MRAP2: variants seen among roughly 807,000 people sequenced by gnomAD.
The protein encoded by MRAP2 is melanocortin-2 receptor accessory protein 2.
In MRAP2, 20 loss-of-function variants were observed where a neutral mutation model predicts 17.4. That is an observed-to-expected ratio of 1.15 (90% CI 0.81 to 1.67). The LOEUF (loss-of-function observed/expected upper bound fraction) is 1.67, where lower values mean the gene tolerates loss of function less well. Among genes scored for constraint, MRAP2 ranks in the 40% most tolerant of loss-of-function variants. MRAP2 has a pLI of 0.00. For missense variants in MRAP2, 238 were observed against 240.0 expected, an observed-to-expected ratio of 0.99 and a Z score of 0.05; for synonymous variants, 96 against 88.4, an observed-to-expected ratio of 1.09 and a Z score of -0.48.
chr6:84,044,018 G>A (rs1039997881), intron 1 of MRAP2, among the ~76,000 whole-genome samples: 1 of 152,148 alleles, frequency 6.6e-6, no homozygotes, highest in Non-Finnish European at 1.5e-5. Context: ...TATAGTTAGA[G>A]TGATTGGTAC....
intron 3 of MRAP2, among the ~76,000 whole-genome samples, chr6:84,066,822 A>C (rs977408986): frequency 6.6e-6 from 1 of 152,178 alleles, no homozygotes; most frequent in Non-Finnish European, 1.5e-5. Context: ...ACACTCAACT[A>C]TCTCAGATTG....
At chr6:84,127,948 T>C in the MRAP2 span, among the ~76,000 whole-genome samples, 2 of 152,328 alleles carry the variant, frequency 1.3e-5, no homozygotes, top group Middle Eastern at 3.4e-3. Context: ...AGTCATTATA[T>C]TATGATGTGC....
At chr6:84,074,039 CT>C (rs1014185969) in intron 3 of MRAP2, among the ~76,000 whole-genome samples, 4 of 152,076 alleles carry the variant, frequency 2.6e-5, no homozygotes, top group African/African-American at 9.7e-5. Flanking sequence ...TGTGGAGCTT[CT>C]TGCAAAAGCT....
Position 84,033,869 on chromosome 6 carries a change from G to A in MRAP2, c.-22G>A, listed in dbSNP as rs1306270537. On this transcript the variant is annotated 5_prime_UTR_variant, in exon 1 of 4. Transcript: ENST00000257776. ...GGAACCAGGGCCGAGCCCGCGGGCC[G>A]GGGCTAGCCAGCCGGTAACCACGGG... The A allele has an allele frequency of 1.4e-5, 14 of 986,454 alleles. No homozygotes were observed. Among genetic ancestry groups the A allele is most frequent in the African/African-American group, 1.7e-5 (1 of 57,198 alleles). The allele number at this position is 986,454 out of a possible 1,614,324, so 61.1% of individuals were successfully genotyped here. A position where few individuals can be genotyped will look rare whatever the true frequency, so the allele number is the denominator to read the frequency against.
intron 2 of MRAP2, 69 bp from the exon 3 acceptor site, chr6:84,062,824 C>T: frequency 1.2e-6 from 2 of 1,604,512 alleles, no homozygotes; most frequent in East Asian, 4.5e-5. Flanking sequence ...CTCCAAAAAG[C>T]TCTGATTCTT....
chr6:84,050,493 C>T (rs756597189), intron 1 of MRAP2, among the ~76,000 whole-genome samples: 5 of 152,124 alleles, frequency 3.3e-5, no homozygotes, highest in Admixed American at 1.3e-4. Context: ...AAGCTGGGTG[C>T]ACCATTGTTC....
intron 1 of MRAP2, among the ~76,000 whole-genome samples, chr6:84,053,228 A>C (rs2099490889): frequency 6.6e-6 from 1 of 152,128 alleles, no homozygotes; most frequent in African/African-American, 2.4e-5. Flanking sequence ...CTATTTTTCT[A>C]TTCCAGATGA....
chr6:84,074,935 A>G (rs577279918), intron 3 of MRAP2, among the ~76,000 whole-genome samples: 2 of 152,278 alleles, frequency 1.3e-5, no homozygotes, highest in African/African-American at 4.8e-5. Context: ...TGGAATCACT[A>G]ACTACTTAGT....
chr6:84,134,915 T>TACACAC, the MRAP2 span, among the ~76,000 whole-genome samples: 15 of 73,992 alleles, frequency 2.0e-4, no homozygotes, highest in Middle Eastern at 6.8e-3. Context: ...GAAAAGATCA[T>TACACAC]ATATACACAC....
chr6:84,036,711 T>C (rs1363332774), intron 1 of MRAP2, among the ~76,000 whole-genome samples: 2 of 152,148 alleles, frequency 1.3e-5, no homozygotes, highest in African/African-American at 4.8e-5. Context: ...CTGCTTTTAT[T>C]CCTTTATCTG....
chr6:84,075,265 A>G (rs1178553678), intron 3 of MRAP2, among the ~76,000 whole-genome samples: 4 of 152,196 alleles, frequency 2.6e-5, no homozygotes, highest in Non-Finnish European at 4.4e-5. Context: ...CTGACTGCCC[A>G]GGGCTGGGAA....
At chr6:84,047,351 C>T (rs1045743407) in intron 1 of MRAP2, among the ~76,000 whole-genome samples, 3 of 151,694 alleles carry the variant, frequency 2.0e-5, no homozygotes, top group South Asian at 2.1e-4. Flanking sequence ...CCACCATGCC[C>T]AGCTAATTTT....
downstream of MRAP2, among the ~76,000 whole-genome samples, chr6:84,092,725 G>A (rs2099501972): frequency 2.0e-5 from 3 of 151,984 alleles, no homozygotes; most frequent in African/African-American, 7.2e-5. Context: ...TGCAGAACCC[G>A]TGTATATGAA....
chr6:84,075,925 C>T (rs974988218), intron 3 of MRAP2, among the ~76,000 whole-genome samples: 2 of 152,184 alleles, frequency 1.3e-5, no homozygotes, highest in Non-Finnish European at 2.9e-5. Flanking sequence ...ACCATGGCCA[C>T]AGGAACTAGA....
the MRAP2 span, among the ~76,000 whole-genome samples, chr6:84,140,824 C>T: frequency 1.3e-5 from 2 of 152,268 alleles, no homozygotes; most frequent in Non-Finnish European, 2.9e-5. Context: ...CTTTGCCTGG[C>T]TGACTTGTTT....
In MRAP2 at chr6:84,055,454, T is replaced by TA. The variant is rs747881982; in HGVS notation, c.127+10dup. ...ACTGAAGGCTCATAAATGTAAGTTTTATACAATTCCTCATTGAAAGCATAA... is the reference window on the plus strand; with the variant it reads ...ACTGAAGGCTCATAAATGTAAGTTTTAATACAATTCCTCATTGAAAGCATAA... On this transcript the variant is annotated intron_variant, in intron 2 of 3. Transcript: ENST00000257776. 16 of 1,609,838 alleles carry TA rather than the reference T, an allele frequency of 9.9e-6. No individual in the cohort carries two copies. Among genetic ancestry groups the TA allele is most frequent in the Middle Eastern group, 3.3e-4 (2 of 6,048 alleles).
At chr6:84,079,626 A>G (rs1042794705) in intron 3 of MRAP2, among the ~76,000 whole-genome samples, 4 of 152,298 alleles carry the variant, frequency 2.6e-5, no homozygotes, top group African/African-American at 9.6e-5. Context: ...CACATTGTCA[A>G]CCCAAATTAA....
chr6:84,033,741 G>C (rs1023100439), upstream of MRAP2: 2 of 985,474 alleles, frequency 2.0e-6, no homozygotes, highest in Non-Finnish European at 2.4e-6. Flanking sequence ...TCGGGAGCGC[G>C]CGTCTCCGCC....
chr6:84,058,846 A>G (rs2099492353), intron 2 of MRAP2, among the ~76,000 whole-genome samples: 1 of 152,222 alleles, frequency 6.6e-6, no homozygotes, highest in African/African-American at 2.4e-5. Context: ...AGTTAATTGA[A>G]GACTGAGATT....
Sources: gnomAD v4.1 joint callset for allele counts (sites outside exome capture counted in the v4.1 genomes callset) on GRCh38, gnomAD v4.1.1 for gene constraint, MANE v1.5 for transcripts, NCBI Gene and HGNC (gene_info 2026-07-23, HGNC 2026-07-21) for gene names.